RAMP1: variants seen among roughly 807,000 people sequenced by gnomAD.
The protein encoded by RAMP1 is receptor activity-modifying protein 1.
RAMP1 carries 7 observed loss-of-function variants against 8.2 expected under a neutral mutation model. The observed-to-expected ratio is 0.85, with a 90% CI of 0.49 to 1.60. RAMP1 has a LOEUF of 1.60. Among genes scored for constraint, RAMP1 ranks in the 40% most tolerant of loss-of-function variants. The pLI, the probability that RAMP1 is intolerant of heterozygous loss-of-function variation, is 0.00. For synonymous variants in RAMP1, 92 were observed against 84.7 expected (o/e 1.09, Z -0.47); for missense variants, 192 against 202.4 (o/e 0.95, Z 0.31).
At chr2:237,863,536 A>C (rs1376426595) in intron 1 of RAMP1, among the ~76,000 whole-genome samples, 3 of 152,096 alleles carry the variant, frequency 2.0e-5, no homozygotes, top group African/African-American at 7.2e-5. Context: ...CCCAAACAAA[A>C]TCGTACTCAC....
chr2:237,872,777 A>G (rs906907631), intron 1 of RAMP1, among the ~76,000 whole-genome samples: 2 of 152,238 alleles, frequency 1.3e-5, no homozygotes, highest in African/African-American at 2.4e-5. Context: ...CTGTAATCCC[A>G]GCACTGTGGG....
At chr2:237,905,062 C>T (rs1361850060) in intron 2 of RAMP1, among the ~76,000 whole-genome samples, 1 of 152,122 alleles carries the variant, frequency 6.6e-6, no homozygotes, top group East Asian at 1.9e-4. Flanking sequence ...CTGGAAACTC[C>T]CACCATAGGA....
intron 2 of RAMP1, among the ~76,000 whole-genome samples, chr2:237,903,345 T>C (rs907786685): frequency 2.0e-5 from 3 of 152,238 alleles, no homozygotes; most frequent in African/African-American, 7.2e-5. Context: ...TTTCACATTA[T>C]TAATTTAGGA....
chr2:237,865,733 G>A lies in RAMP1; in HGVS notation c.52+6006G>A, dbSNP rs1418437014. On this transcript the variant is annotated intron_variant, in intron 1 of 2. Coordinates refer to ENST00000254661, the MANE Select transcript of RAMP1 (RefSeq NM_005855.4). The surrounding 1 kb of genome is among the most constrained non-coding windows in gnomAD (Gnocchi z 4.2). ...CAAATCCTTGCTTGGAGGGGTGACC[G>A]GTGAGAGTGGGTAGAAACAGGCCCA... 6.6e-6 allele frequency among the ~76,000 whole-genome samples: 1 copy of A among 152,146 alleles called. No individual in the cohort carries two copies. Among genetic ancestry groups the A allele is most frequent in the Non-Finnish European group, 1.5e-5 (1 of 68,032 alleles).
chr2:237,877,370 C>T lies in RAMP1; in HGVS notation c.191+8C>T. 6.2e-7 allele frequency: 1 copy of T among 1,609,240 alleles called. No individual in the cohort carries two copies. The highest frequency in any genetic ancestry group is 8.5e-7 in the Non-Finnish European group (1 of 1,177,542). The stretch of plus-strand genomic sequence containing the variant: ...CTGGGGCAGGACCATCAGGTGAGTC[C>T]CATGGCCCCTGGTGGGCAGGACACG... On this transcript the variant is annotated splice_region_variant and intron_variant, in intron 2 of 2. Transcript: ENST00000254661. The surrounding 1 kb of genome is among the most constrained non-coding windows in gnomAD (Gnocchi z 4.4).
At chr2:237,874,814 T>C in intron 1 of RAMP1, 1 of 662,396 alleles carries the variant, frequency 1.5e-6, no homozygotes, top group Non-Finnish European at 1.9e-6. Context: ...GCCAAGAGGG[T>C]TCTGAGAAAA....
chr2:237,909,334 G>A (rs1576560486), intron 2 of RAMP1, among the ~76,000 whole-genome samples: 3 of 151,938 alleles, frequency 2.0e-5, no homozygotes, highest in Middle Eastern at 3.4e-3. Flanking sequence ...CCGAGCATGA[G>A]CGAGCTCACA....
Position 237,877,206 on chromosome 2 carries a change from T to C in RAMP1, c.53-18T>C, listed in dbSNP as rs765207546. On this transcript the variant is annotated intron_variant, in intron 1 of 2. Transcript: ENST00000254661. This position sits in a 1 kb window ranked among gnomAD's most constrained non-coding sequence, Gnocchi z 4.4. ...TCTGCTGCCGCCCGCCATCTCTTCA[T>C]GGCCGTGTCTATTTCAGCCCATCAC... is the stretch of plus-strand genomic sequence containing the variant. 6.2e-7 allele frequency: 1 copy of C among 1,613,582 alleles called. No individual in the cohort carries two copies. The highest frequency in any genetic ancestry group is 8.5e-7 in the Non-Finnish European group (1 of 1,179,984).
At chr2:237,890,711 A>T (rs1237741496) in intron 2 of RAMP1, among the ~76,000 whole-genome samples, 1 of 152,218 alleles carries the variant, frequency 6.6e-6, no homozygotes, top group Admixed American at 6.5e-5. Flanking sequence ...CAGTTAACTG[A>T]AACATGCTGC....
chr2:237,895,847 C>T (rs769941093), intron 2 of RAMP1, among the ~76,000 whole-genome samples: 4 of 152,156 alleles, frequency 2.6e-5, no homozygotes, highest in Admixed American at 6.5e-5. Context: ...TATAGCTTGC[C>T]GGCTGTCATG....
At chr2:237,899,313 C>T (rs376461194) in intron 2 of RAMP1, among the ~76,000 whole-genome samples, 1 of 152,162 alleles carries the variant, frequency 6.6e-6, no homozygotes, top group Non-Finnish European at 1.5e-5. Context: ...TCAGGTGACC[C>T]GCCCGCCTCG....
intron 2 of RAMP1, among the ~76,000 whole-genome samples, chr2:237,894,098 A>C (rs1425131886): frequency 6.7e-6 from 1 of 148,406 alleles, no homozygotes; most frequent in Non-Finnish European, 1.5e-5. Context: ...GCCTCCCTAG[A>C]AGCTGGGACT....
chr2:237,905,609 CAG>C (rs2062643317), intron 2 of RAMP1, among the ~76,000 whole-genome samples: 2 of 152,196 alleles, frequency 1.3e-5, no homozygotes, highest in Admixed American at 1.3e-4. Flanking sequence ...CCTCAGAGGA[CAG>C]GGGTCAGTGT....
chr2:237,890,436 A>G (rs1229734303), intron 2 of RAMP1, among the ~76,000 whole-genome samples: 2 of 152,150 alleles, frequency 1.3e-5, no homozygotes, highest in Non-Finnish European at 2.9e-5. Flanking sequence ...TCCTGGGCTC[A>G]AGTGATCCAC....
chr2:237,883,709 G>A (rs2062396763), intron 2 of RAMP1, among the ~76,000 whole-genome samples: 1 of 151,732 alleles, frequency 6.6e-6, no homozygotes, highest in East Asian at 1.9e-4. Context: ...CCAGGTGCTT[G>A]GGAGGCTGAG....
intron 2 of RAMP1, among the ~76,000 whole-genome samples, chr2:237,890,013 G>A (rs768621166): frequency 2.6e-5 from 4 of 152,172 alleles, no homozygotes; most frequent in Non-Finnish European, 4.4e-5. Flanking sequence ...CAGAAACCCC[G>A]CCGGCTGCGT....
At chr2:237,893,179 T>C (rs1436865431) in intron 2 of RAMP1, among the ~76,000 whole-genome samples, 1 of 152,236 alleles carries the variant, frequency 6.6e-6, no homozygotes, top group Non-Finnish European at 1.5e-5. Context: ...CCTTGTTCTG[T>C]GAAGTTCCTG....
At chr2:237,908,420 T>TA (rs1435508213) in intron 2 of RAMP1, among the ~76,000 whole-genome samples, 2 of 150,336 alleles carry the variant, frequency 1.3e-5, no homozygotes, top group Non-Finnish European at 3.0e-5. Context: ...CTGGTGGTGG[T>TA]GGTGGTGGTG....
intron 1 of RAMP1, among the ~76,000 whole-genome samples, chr2:237,866,883 C>T (rs2062192774): frequency 6.6e-6 from 1 of 152,084 alleles, no homozygotes; most frequent in South Asian, 2.1e-4. Context: ...TGCCCGCTAC[C>T]ATGCCCGGCA....
Sources: allele counts gnomAD v4.1 joint callset (sites outside exome capture counted in the v4.1 genomes callset), GRCh38; gene constraint gnomAD v4.1.1; non-coding constraint Gnocchi (gnomAD v3.1); transcripts MANE v1.5; gene names NCBI Gene and HGNC (gene_info 2026-07-23, HGNC 2026-07-21).